The following KDM6B variants were observed in gnomAD, a reference collection of about 807,000 sequenced individuals.
The protein encoded by KDM6B is lysine demethylase 6B.
Under a neutral mutation model 150.4 loss-of-function variants are expected in KDM6B, and 22 were observed. The ratio of observed to expected loss-of-function variants is 0.15; its 90% CI spans 0.10 to 0.21. The LOEUF is 0.21. Among genes scored for constraint, KDM6B ranks in the 10% least tolerant of loss-of-function variants. KDM6B has a pLI of 1.00. For synonymous variants in KDM6B, 1,148 were observed against 921.1 expected (o/e 1.25, Z -4.46); for missense variants, 1,984 against 2,234.3 (o/e 0.89, Z 2.26).
rs1440732814 is a variant in KDM6B at position 7,847,730 on chromosome 17, C to T, written c.1442C>T (p.Pro481Leu). 3 of 1,543,002 alleles carry T rather than the reference C, an allele frequency of 1.9e-6. No homozygotes were observed. ...TGTCCCCGCCTCTTACGCCCCCCAC[C>T]ACCCCCTGCCTGGTTGAAGGGTCCG... is the stretch of plus-strand genomic sequence containing the variant. ...PPCPRLLRPPPPPAWLKGPAC... is the reference protein window; with the variant it reads ...PPCPRLLRPPLPPAWLKGPAC... The change falls in exon 12 of 24, where the codon CCA becomes CTA. Residue 481 changes from proline (P) to leucine (L), a missense_variant. Transcript: ENST00000448097.
chr17:7,846,356 C>A, intron 7 of KDM6B, 44 bp from the exon 8 acceptor site: 1 of 1,562,952 alleles, frequency 6.4e-7, no homozygotes, highest in Non-Finnish European at 8.7e-7. Flanking sequence ...TGGCTCAGTG[C>A]CCCACCTGAC....
Position 7,847,970 on chromosome 17 carries a change from A to C in KDM6B, c.1682A>C (p.His561Pro). ...TSSSNSNSGS[H>P]SSSPAGPVSF... ...AGTAGCAACAGCAACAGTGGCAGCCACAGCAGCAGCCCTGCTGGGCCTGTG... is the reference window on the plus strand; with the variant it reads ...AGTAGCAACAGCAACAGTGGCAGCCCCAGCAGCAGCCCTGCTGGGCCTGTG... The change falls in exon 12 of 24, where the codon CAC becomes CCC. Residue 561 changes from histidine to proline, a missense_variant. Around this residue, in one of 13 missense-constraint regions of KDM6B, gnomAD observed 1,379 missense variants for 1,275.6 expected, o/e 1.08. Coordinates refer to ENST00000448097, the MANE Select transcript of KDM6B (RefSeq NM_001348716.2). 5.0e-6 allele frequency: 8 copies of C among 1,605,064 alleles called. No homozygotes were observed. The highest frequency in any genetic ancestry group is 6.8e-6 in the Non-Finnish European group (8 of 1,177,364).
Position 7,848,059 on chromosome 17 carries a change from G to A in KDM6B, c.1771G>A (p.Ala591Thr). 1.2e-6 allele frequency: 2 copies of A among 1,609,722 alleles called. No homozygotes were observed. The highest frequency in any genetic ancestry group is 1.7e-6 in the Non-Finnish European group (2 of 1,178,276). Residue 591 changes from alanine (A) to threonine (T), a missense_variant, in exon 12 of 24, where the codon GCA becomes ACA. Coordinates refer to ENST00000448097, the MANE Select transcript of KDM6B (RefSeq NM_001348716.2). ...IDPLPRPPSP[A>T]QNPQDPPLVP... ...CCCCCTTCCCCGGCCTCCCAGCCCA[G>A]CACAGAACCCCCAGGACCCACCTCT...
At chr17:7,850,396 T>C (rs1232743414) in intron 14 of KDM6B, among the ~76,000 whole-genome samples, 1 of 152,222 alleles carries the variant, frequency 6.6e-6, no homozygotes, top group African/African-American at 2.4e-5. Context: ...CATTTCTGAA[T>C]TTTTTGGTGA....
In KDM6B at chr17:7,848,786, C is replaced by T; in HGVS notation, c.2498C>T (p.Pro833Leu). ...GTTTCCACCCGGCCTGGGCCCTTGC[C>T]CACCACTCAGTATTCCCCTGGCCCC... ...AAVSTRPGPL[P>L]TTQYSPGPPS... Residue 833 changes from proline (P) to leucine (L), a missense_variant, in exon 12 of 24, where the codon CCC (proline) becomes CTC (leucine). Pro to Leu is a moderately conservative substitution (Grantham distance 98). Coordinates refer to ENST00000448097, the MANE Select transcript of KDM6B (RefSeq NM_001348716.2). 1 of 1,612,856 alleles carries T rather than the reference C, an allele frequency of 6.2e-7. No individual in the cohort carries two copies. The highest frequency in any genetic ancestry group is 8.5e-7 in the Non-Finnish European group (1 of 1,180,014).
chr17:7,854,759 T>G lies in KDM6B; in HGVS notation c.*1238T>G. On this transcript the variant is annotated 3_prime_UTR_variant, in exon 24 of 24. Transcript: ENST00000448097. ...ACCCCTATTTTCGGTGATTTTTGTGTGAGAATATTAATATTAAAAATAAAC... is the reference window on the plus strand; with the variant it reads ...ACCCCTATTTTCGGTGATTTTTGTGGGAGAATATTAATATTAAAAATAAAC... The G allele has an allele frequency of 3.3e-6, 1 of 302,264 alleles. No individual in the cohort carries two copies. Among genetic ancestry groups the G allele is most frequent in the Non-Finnish European group, 6.3e-6 (1 of 159,138 alleles). The allele number at this position is 302,264 out of a possible 1,614,324, so 18.7% of individuals were successfully genotyped here.
At chr17:7,850,306 C>A (rs2078665649) in intron 14 of KDM6B, 129 bp downstream of exon 14, 4 of 731,270 alleles carry the variant, frequency 5.5e-6, no homozygotes, top group Non-Finnish European at 9.2e-6. Flanking sequence ...GATGGGTCTG[C>A]TGGCCTTGGG....
At chr17:7,840,082 T>C (rs1000087100) in intron 2 of KDM6B, 58 bp downstream of exon 2, 1 of 152,600 alleles carries the variant, frequency 6.6e-6, no homozygotes, top group Non-Finnish European at 1.5e-5. Context: ...ACCACATGGT[T>C]GGAGATGCTC....
chr17:7,838,238 TG>T (rs1158004137), intron 1 of KDM6B, among the ~76,000 whole-genome samples: 1 of 2,414 alleles, frequency 4.1e-4, no homozygotes. Context: ...TGCTGGGGGC[TG>T]GGGGGGCGGG....
At position 7,849,961 on chromosome 17, in the gene KDM6B, T is replaced by C; in HGVS notation, c.3567+14T>C. On this transcript the variant is annotated intron_variant, in intron 13 of 23. Transcript: ENST00000448097. ...CCCAGCATCTATGTATGTGTGCCAC[T>C]TGGCCTCAGAACCACCCCTGCCAGA... 1 of 1,613,628 alleles carries C rather than the reference T, an allele frequency of 6.2e-7. No individual in the cohort carries two copies. Among genetic ancestry groups the C allele is most frequent in the East Asian group, 2.2e-5 (1 of 44,878 alleles).
chr17:7,853,732 AC>A lies in KDM6B; in HGVS notation c.*212del. ...AGGAAAAAAGGAAAAAAAATGGGAG[AC>A]GGGGGAGGGGGCTGGCAGCCCCTCG... On this transcript the variant is annotated 3_prime_UTR_variant, in exon 24 of 24. Transcript: ENST00000448097. 1 of 334,458 alleles carries A rather than the reference AC, an allele frequency of 3.0e-6. No individual in the cohort carries two copies. Among genetic ancestry groups the A allele is most frequent in the Non-Finnish European group, 5.3e-6 (1 of 189,430 alleles). The allele number at this position is 334,458 out of a possible 1,614,324, so 20.7% of individuals were successfully genotyped here.
At chr17:7,852,472 T>C (rs780570748) in intron 20 of KDM6B, 23 bp from the exon 21 acceptor site, 51 of 1,613,480 alleles carry the variant, frequency 3.2e-5, no homozygotes, top group Non-Finnish European at 3.8e-5. Flanking sequence ...GAGAGTCCTG[T>C]TGTGATCGCC....
chr17:7,846,138 A>G lies in KDM6B; in HGVS notation c.297A>G (p.Ala99=), dbSNP rs762250908. Reference sequence around the variant, plus strand: ...AATCCCTGCATGGCTGTGTGCAGGCATTGCTCCGGGAGCCAGCCCAGCCAG... The same window carrying G: ...AATCCCTGCATGGCTGTGTGCAGGCGTTGCTCCGGGAGCCAGCCCAGCCAG... ...KLESLHGCVQ[A]LLREPAQPGL... Residue 99 remains alanine (A), a synonymous_variant, in exon 7 of 24, where the codon GCA becomes GCG. Coordinates refer to ENST00000448097, the MANE Select transcript of KDM6B (RefSeq NM_001348716.2). 11 of 1,568,506 alleles carry G rather than the reference A, an allele frequency of 7.0e-6. No homozygotes were observed. In the African/African-American group the frequency reaches 9.7e-5, roughly 14 times the overall value.
At position 7,847,911 on chromosome 17, in the gene KDM6B, C is replaced by T. The variant is rs1426916923; in HGVS notation, c.1623C>T (p.His541=). The T allele has an allele frequency of 9.3e-6, 15 of 1,608,878 alleles. No homozygotes were observed. The highest frequency in any genetic ancestry group is 2.7e-5 in the African/African-American group (2 of 73,948). The change falls in exon 12 of 24, where the codon CAC becomes CAT. Residue 541 remains histidine (H), a synonymous_variant. Coordinates refer to ENST00000448097, the MANE Select transcript of KDM6B (RefSeq NM_001348716.2). ...SRFSVGTQDS[H]TPPTPPTPTT... ...TTTCTGTGGGCACTCAGGATTCTCA[C>T]ACCCCTCCCACTCCCCCAACCCCAA...
Position 7,846,581 on chromosome 17 carries a change from C to T in KDM6B, c.552C>T (p.His184=), listed in dbSNP as rs758678735. The change falls in exon 9 of 24, where the codon CAC becomes CAT. Residue 184 remains histidine (H), a splice_region_variant and synonymous_variant. Coordinates refer to ENST00000448097, the MANE Select transcript of KDM6B (RefSeq NM_001348716.2). ...EQVWNLLHLE[H]KRNYGAKRGG... The stretch of plus-strand genomic sequence containing the variant: ...CTCTTCTCTCTTTTTGTTCTCAGCA[C>T]AAACGGAACTATGGAGCCAAGCGGG... 6.2e-7 allele frequency: 1 copy of T among 1,613,988 alleles called. No homozygotes were observed. The highest frequency in any genetic ancestry group is 1.3e-5 in the African/African-American group (1 of 74,892).
At chr17:7,839,185 C>T (rs2078378172) in intron 1 of KDM6B, among the ~76,000 whole-genome samples, 1 of 152,168 alleles carries the variant, frequency 6.6e-6, no homozygotes, top group Non-Finnish European at 1.5e-5. Context: ...TGGACTTATG[C>T]TAAAAGACCT....
In KDM6B at chr17:7,843,438, G is replaced by C. The variant is rs1367303343; in HGVS notation, c.-268-1463G>C. 6.6e-6 allele frequency among the ~76,000 whole-genome samples: 1 copy of C among 152,190 alleles called. No homozygotes were observed. The highest frequency in any genetic ancestry group is 1.5e-5 in the Non-Finnish European group (1 of 68,032). On this transcript the variant is annotated intron_variant, in intron 2 of 23. Transcript: ENST00000448097. The surrounding 1 kb of genome is among the most constrained non-coding windows in gnomAD (Gnocchi z 4.5). Reference sequence around the variant, plus strand: ...TCCGCGGGGCCCAAGCGACCACAAGGGCTTGGCGGAGAGTGGCACGCAGGG... The same window carrying C: ...TCCGCGGGGCCCAAGCGACCACAAGCGCTTGGCGGAGAGTGGCACGCAGGG...
chr17:7,836,046 G>A (rs1035070132), intron 1 of KDM6B, among the ~76,000 whole-genome samples: 1 of 152,202 alleles, frequency 6.6e-6, no homozygotes, highest in Non-Finnish European at 1.5e-5. Context: ...CTGCCTTCCC[G>A]GGCTCTGGCT....
rs2078565837 is a variant in KDM6B at position 7,847,124 on chromosome 17, C to T, written c.929C>T (p.Pro310Leu). 1 of 1,611,212 alleles carries T rather than the reference C, an allele frequency of 6.2e-7. No homozygotes were observed. The highest frequency in any genetic ancestry group is 1.7e-5 in the Admixed American group (1 of 59,998). The change falls in exon 11 of 24, where the codon CCT becomes CTT. Residue 310 changes from proline (P) to leucine (L), a missense_variant. Around this residue, in one of 13 missense-constraint regions of KDM6B, gnomAD observed 1,379 missense variants for 1,275.6 expected, o/e 1.08. Transcript: ENST00000448097. ...CTATAGGAGCAGCGGCACTCGCTGC[C>T]TCACCCATATCCATACCCAGCTCCA... Reference protein sequence around the residue: ...PERQEQRHSLPHPYPYPAPAY... With the variant: ...PERQEQRHSLLHPYPYPAPAY...
Sources: gnomAD v4.1 joint callset for allele counts (sites outside exome capture counted in the v4.1 genomes callset) on GRCh38, gnomAD v4.1.1 for gene constraint, gnomAD v4.1.1 regional missense constraint, Gnocchi (gnomAD v3.1) non-coding constraint, MANE v1.5 for transcripts, NCBI Gene and HGNC (gene_info 2026-07-23, HGNC 2026-07-21) for gene names.